Variants in PTPN11 observed in about 807,000 individuals in gnomAD.
PTPN11 encodes the protein protein tyrosine phosphatase non-receptor type 11, also known as tyrosine-protein phosphatase non-receptor type 11.
Under a neutral mutation model 78.8 loss-of-function variants are expected in PTPN11, and 6 were observed. The ratio of observed to expected loss-of-function variants is 0.08; its 90% CI spans 0.04 to 0.15. PTPN11 has a LOEUF of 0.15. PTPN11 is among the 10% of genes least tolerant of loss of function. The pLI, the probability that PTPN11 is intolerant of heterozygous loss-of-function variation, is 1.00. For missense variants in PTPN11, 386 were observed against 744.8 expected (o/e 0.52, Z 5.61); for synonymous variants, 221 against 263.5 (o/e 0.84, Z 1.56).
chr12:112,491,603 TTG>T (rs2038745232), intron 13 of PTPN11, among the ~76,000 whole-genome samples: 1 of 152,232 alleles, frequency 6.6e-6, no homozygotes, highest in Non-Finnish European at 1.5e-5. Context: ...GAAACTAACA[TTG>T]ATATAACACT....
chr12:112,471,593 A>C (rs997611887), intron 6 of PTPN11, among the ~76,000 whole-genome samples: 4 of 151,870 alleles, frequency 2.6e-5, no homozygotes, highest in Non-Finnish European at 5.9e-5. Flanking sequence ...TTCATTCTTT[A>C]TAATTGTTAT....
chr12:112,455,372 A>G (rs1188402586), intron 5 of PTPN11, among the ~76,000 whole-genome samples: 1 of 149,332 alleles, frequency 6.7e-6, no homozygotes, highest in African/African-American at 2.5e-5. Context: ...AGTAGCTGGG[A>G]TTATAGGTGG....
At chr12:112,450,613 T>A (rs1476511765) in intron 3 of PTPN11, 101 bp downstream of exon 3, 1 of 1,158,320 alleles carries the variant, frequency 8.6e-7, no homozygotes, top group Non-Finnish European at 1.3e-6. Flanking sequence ...TCCAAAGGCT[T>A]GTGACTGTTT....
intron 2 of PTPN11, among the ~76,000 whole-genome samples, chr12:112,449,006 C>A (rs1445400593): frequency 6.6e-6 from 1 of 151,850 alleles, no homozygotes; most frequent in Non-Finnish European, 1.5e-5. Flanking sequence ...CCTGCCTCAG[C>A]CTCCCCAGTA....
intron 1 of PTPN11, among the ~76,000 whole-genome samples, chr12:112,444,053 A>C (rs2037950979): frequency 6.6e-6 from 1 of 152,026 alleles, no homozygotes; most frequent in Non-Finnish European, 1.5e-5. Flanking sequence ...AGCCCCCTAA[A>C]GTGCTGGGAT....
rs1436823986 is a variant in PTPN11, at chr12:112,504,234, C to T, written c.1713-461C>T. ...TTTTTGAGATGGAGTCTCGCTCTGT[C>T]GCCCAGGCTGGAGTGCAGTGGCACG... On this transcript the variant is annotated intron_variant, in intron 14 of 15. Coordinates refer to ENST00000351677, the MANE Select transcript of PTPN11 (RefSeq NM_002834.5). This position sits in a 1 kb window ranked among gnomAD's most constrained non-coding sequence, Gnocchi z 4.7. 3.3e-5 allele frequency among the ~76,000 whole-genome samples: 5 copies of T among 152,148 alleles called. No homozygotes were observed. The highest frequency in any genetic ancestry group is 1.3e-4 in the Admixed American group (2 of 15,260).
At position 112,442,437 on chromosome 12, in the gene PTPN11, C is replaced by T. The variant is rs553881430; in HGVS notation, c.15-3839C>T. 5.9e-5 allele frequency among the ~76,000 whole-genome samples: 9 copies of T among 151,862 alleles called. No homozygotes were observed. In the South Asian group the frequency reaches 1.2e-3, roughly 21 times the overall value. ...GCATTTCCTTTGAGTGTTATGTGGG[C>T]ACTTTTTAAATTTATTTAATTAATT... On this transcript the variant is annotated intron_variant, in intron 1 of 15. Transcript: ENST00000351677.
chr12:112,468,672 C>T (rs1352399849), intron 6 of PTPN11, among the ~76,000 whole-genome samples: 3 of 152,168 alleles, frequency 2.0e-5, no homozygotes, highest in Admixed American at 2.0e-4. Context: ...CCTCTCCTGT[C>T]CTCTGTGGAA....
Position 112,489,668 on chromosome 12 carries a change from C to T in PTPN11, c.1599+493C>T, listed in dbSNP as rs536530993. 2.8e-3 allele frequency among the ~76,000 whole-genome samples: 426 copies of T among 152,294 alleles called. 5 individuals carry two copies. The highest frequency in any genetic ancestry group is 9.5e-3 in the African/African-American group (396 of 41,544). On this transcript the variant is annotated intron_variant, in intron 13 of 15. Transcript: ENST00000351677. ...ATGAAGAGGAATGTGGAATTGGAGCCTTTCCATCTGAAGCTATTCATAACA... is the reference window on the plus strand; with the variant it reads ...ATGAAGAGGAATGTGGAATTGGAGCTTTTCCATCTGAAGCTATTCATAACA...
chr12:112,442,857 T>TAA, intron 1 of PTPN11, among the ~76,000 whole-genome samples: 1 of 76,120 alleles, frequency 1.3e-5, no homozygotes, highest in South Asian at 4.5e-4. Context: ...TATATATATA[T>TAA]ATATATATAT....
In PTPN11 at chr12:112,419,005, C is replaced by T. The variant is rs2037470038; in HGVS notation, c.-107C>T. 1 of 1,436,142 alleles carries T rather than the reference C, an allele frequency of 7.0e-7. No individual in the cohort carries two copies. The highest frequency in any genetic ancestry group is 9.4e-7 in the Non-Finnish European group (1 of 1,061,680). The allele number at this position is 1,436,142 out of a possible 1,614,324, so 89.0% of individuals were successfully genotyped here. A position where few individuals can be genotyped will look rare whatever the true frequency, so the allele number is the denominator to read the frequency against. On this transcript the variant is annotated 5_prime_UTR_variant, in exon 1 of 16. Coordinates refer to ENST00000351677, the MANE Select transcript of PTPN11 (RefSeq NM_002834.5). ...TGTGCGCGGCCGGCTGGCTCTGCCC[C>T]GCGTCCGGTCCCGAGCGGGCCTCCC... is the stretch of plus-strand genomic sequence containing the variant.
intron 6 of PTPN11, among the ~76,000 whole-genome samples, chr12:112,466,346 T>C (rs530227381): frequency 1.3e-5 from 2 of 152,294 alleles, no homozygotes; most frequent in Admixed American, 1.3e-4. Flanking sequence ...TTTGTTTACC[T>C]TGTTGCACAA....
chr12:112,425,793 A>G (rs566549955), intron 1 of PTPN11, among the ~76,000 whole-genome samples: 62 of 152,284 alleles, frequency 4.1e-4, no homozygotes, highest in Admixed American at 1.2e-3. Flanking sequence ...CAATGTTGCA[A>G]TGATAGCTTA....
At chr12:112,484,719 T>C (rs1327268073) in intron 10 of PTPN11, among the ~76,000 whole-genome samples, 1 of 151,900 alleles carries the variant, frequency 6.6e-6, no homozygotes, top group Non-Finnish European at 1.5e-5. Context: ...AATGTAGCTG[T>C]CAAGTGGAAA....
At chr12:112,469,745 C>T (rs1309578870) in intron 6 of PTPN11, among the ~76,000 whole-genome samples, 1 of 152,142 alleles carries the variant, frequency 6.6e-6, no homozygotes, top group Non-Finnish European at 1.5e-5. Flanking sequence ...GAACTCCTGA[C>T]CTCAGGTGAT....
rs1294377445 is a variant in PTPN11, at chr12:112,477,858, C to T, written c.935C>T (p.Pro312Leu). The stretch of plus-strand genomic sequence containing the variant: ...AGGATTTTCTTCCTAAATTTCTAGC[C>T]TGAATTTGAAACCAAGTGCAACAAT... ...SDYINANIIMPEFETKCNNSK... is the reference protein window; with the variant it reads ...SDYINANIIMLEFETKCNNSK... The change falls in exon 9 of 16, where the codon CCT becomes CTT. Residue 312 changes from proline to leucine, a missense_variant and splice_region_variant. Around this residue, in one of 3 missense-constraint regions of PTPN11, gnomAD observed 279 missense variants for 503.3 expected, o/e 0.55. Transcript: ENST00000351677. 6.2e-7 allele frequency: 1 copy of T among 1,614,084 alleles called. No homozygotes were observed. Among genetic ancestry groups the T allele is most frequent in the South Asian group, 1.1e-5 (1 of 91,080 alleles).
intron 1 of PTPN11, among the ~76,000 whole-genome samples, chr12:112,426,166 A>T (rs1465621063): frequency 1.3e-5 from 2 of 152,250 alleles, no homozygotes; most frequent in Non-Finnish European, 2.9e-5. Context: ...CTCACTTGAC[A>T]TAAGTCCCTA....
intron 13 of PTPN11, among the ~76,000 whole-genome samples, chr12:112,496,265 C>T (rs1364342836): frequency 6.6e-6 from 1 of 152,192 alleles, no homozygotes; most frequent in Non-Finnish European, 1.5e-5. Context: ...CCCACCCTCT[C>T]GTTTCTGAGT....
chr12:112,483,411 A>G (rs2038627131), intron 10 of PTPN11, among the ~76,000 whole-genome samples: 1 of 152,046 alleles, frequency 6.6e-6, no homozygotes, highest in Non-Finnish European at 1.5e-5. Flanking sequence ...GCTGGTCTTG[A>G]ACTCCTGGGC....
Sources: allele counts gnomAD v4.1 joint callset (sites outside exome capture counted in the v4.1 genomes callset), GRCh38; gene constraint gnomAD v4.1.1; regional missense constraint gnomAD v4.1.1; non-coding constraint Gnocchi (gnomAD v3.1); transcripts MANE v1.5; gene names NCBI Gene and HGNC (gene_info 2026-07-23, HGNC 2026-07-21).